HSPG2: variants seen among roughly 807,000 people sequenced by gnomAD.
HSPG2 encodes basement membrane-specific heparan sulfate proteoglycan core protein.
HSPG2 carries 278 observed loss-of-function variants against 526.6 expected under a neutral mutation model. The ratio of observed to expected loss-of-function variants is 0.53; its 90% CI spans 0.48 to 0.58. The LOEUF is 0.58. Among genes scored for constraint, HSPG2 ranks in the 20% least tolerant of loss-of-function variants. HSPG2 has a pLI of 0.00. For missense variants in HSPG2, 5,354 were observed against 6,099.5 expected (o/e 0.88, Z 4.07); for synonymous variants, 2,465 against 2,555.4 (o/e 0.96, Z 1.07).
At position 21,859,821 on chromosome 1, in the gene HSPG2, A is replaced by G. The variant is rs557850939; in HGVS notation, c.5182+14T>C. 9.3e-6 allele frequency: 15 copies of G among 1,610,558 alleles called. 1 individual carries two copies. The East Asian group carries it at 3.3e-4, about 36-fold the overall frequency. Reference sequence around the variant, plus strand: ...GATGGCTCTTGGGGCTGAGGAGCCTAGGGCCATGGGTACCTTGATGTCGCT... The same window carrying G: ...GATGGCTCTTGGGGCTGAGGAGCCTGGGGCCATGGGTACCTTGATGTCGCT... On this transcript the variant is annotated intron_variant, in intron 41 of 96. Coordinates refer to ENST00000374695, the MANE Select transcript of HSPG2 (RefSeq NM_005529.7). The surrounding 1 kb of genome is among the most constrained non-coding windows in gnomAD (Gnocchi z 5.3).
Position 21,824,187 on chromosome 1 carries a change from C to A in HSPG2, c.12833G>T (p.Gly4278Val). Residue 4278 changes from glycine (G) to valine (V), a missense_variant, in exon 95 of 97, where the codon GGG (glycine) becomes GTG (valine). Transcript: ENST00000374695. This position sits in a 1 kb window ranked among gnomAD's most constrained non-coding sequence, Gnocchi z 5.9. ...GTCCTCAGAGACCAGGCGGGCCTCC[C>A]CACTACCCAGCTGGTACCTGCAGTC... The part of the protein sequence containing the change: ...HLVFRYQLGS[G>V]EARLVSEDPI... The A allele has an allele frequency of 6.2e-7, 1 of 1,613,788 alleles. No individual in the cohort carries two copies. Among genetic ancestry groups the A allele is most frequent in the East Asian group, 2.2e-5 (1 of 44,874 alleles).
At chr1:21,910,217 A>C (rs1233930339) in intron 1 of HSPG2, among the ~76,000 whole-genome samples, 1 of 152,212 alleles carries the variant, frequency 6.6e-6, no homozygotes, top group Non-Finnish European at 1.5e-5. Context: ...GGGTATTTAA[A>C]GCTCTGACTG....
Position 21,839,150 on chromosome 1 carries a change from G to A in HSPG2, c.9890-65C>T. 6.5e-7 allele frequency: 1 copy of A among 1,539,064 alleles called. No homozygotes were observed. Among genetic ancestry groups the A allele is most frequent in the South Asian group, 1.3e-5 (1 of 79,630 alleles). On this transcript the variant is annotated intron_variant, in intron 73 of 96. Coordinates refer to ENST00000374695, the MANE Select transcript of HSPG2 (RefSeq NM_005529.7). This position sits in a 1 kb window ranked among gnomAD's most constrained non-coding sequence, Gnocchi z 4.5. ...AAGGTCAGAATGGCAGCAGGTCGTT[G>A]GATCCAGTGTCCAGGGAAGCTGAAT...
intron 1 of HSPG2, among the ~76,000 whole-genome samples, chr1:21,919,246 T>C (rs1188265678): frequency 1.3e-5 from 2 of 152,158 alleles, no homozygotes; most frequent in South Asian, 2.1e-4. Flanking sequence ...GCCAACATGG[T>C]GAAACCCCGT....
Position 21,848,523 on chromosome 1 carries a change from G to C in HSPG2, c.7737+120C>G. ...CACTGGTCTAGGACCCATCCAGCAAGGATACTCAATGTTTGTTGAATGACT... is the reference window on the plus strand; with the variant it reads ...CACTGGTCTAGGACCCATCCAGCAACGATACTCAATGTTTGTTGAATGACT... On this transcript the variant is annotated intron_variant, in intron 59 of 96. Transcript: ENST00000374695. The surrounding 1 kb of genome is among the most constrained non-coding windows in gnomAD (Gnocchi z 4.9). 1.7e-6 allele frequency: 2 copies of C among 1,190,522 alleles called. No individual in the cohort carries two copies. Among genetic ancestry groups the C allele is most frequent in the African/African-American group, 1.5e-5 (1 of 66,798 alleles). The allele number at this position is 1,190,522 out of a possible 1,614,324, so 73.7% of individuals were successfully genotyped here.
In HSPG2 at chr1:21,875,981, G is replaced by A. The variant is rs1217844173; in HGVS notation, c.3065C>T (p.Thr1022Ile). Reference protein sequence around the residue: ...TVTQRSQPGSTPLHGQPLVVL... With the variant: ...TVTQRSQPGSIPLHGQPLVVL... Reference sequence around the variant, plus strand: ...CACCAACGGCTGCCCGTGCAGGGGTGTGGAGCCCGGCTGGGACCTCTGGGT... The same window carrying A: ...CACCAACGGCTGCCCGTGCAGGGGTATGGAGCCCGGCTGGGACCTCTGGGT... Residue 1022 changes from threonine (T) to isoleucine (I), a missense_variant, in exon 24 of 97, where the codon ACA becomes ATA. Physicochemically the swap from Thr to Ile is moderately conservative, Grantham distance 89 (BLOSUM62 -1). Coordinates refer to ENST00000374695, the MANE Select transcript of HSPG2 (RefSeq NM_005529.7). 1 of 1,614,208 alleles carries A rather than the reference G, an allele frequency of 6.2e-7. No individual in the cohort carries two copies. The highest frequency in any genetic ancestry group is 1.1e-5 in the South Asian group (1 of 91,088).
chr1:21,864,438 G>C lies in HSPG2; in HGVS notation c.4627-225C>G, dbSNP rs184149269. Among the ~76,000 whole-genome samples the C allele has an allele frequency of 1.3e-5, 2 of 152,292 alleles. No individual in the cohort carries two copies. The highest frequency in any genetic ancestry group is 1.9e-4 in the East Asian group (1 of 5,170). On this transcript the variant is annotated intron_variant, in intron 36 of 96. Transcript: ENST00000374695. The surrounding 1 kb of genome is among the most constrained non-coding windows in gnomAD (Gnocchi z 4.8). ...CATCTCTATGCTGTGCTTTGGGCCG[G>C]AGTAATCTGTGTTTCTGAATTGGCT... is the stretch of plus-strand genomic sequence containing the variant.
At chr1:21,906,288 G>T (rs767816912) in intron 1 of HSPG2, among the ~76,000 whole-genome samples, 29 of 152,160 alleles carry the variant, frequency 1.9e-4, no homozygotes, top group Non-Finnish European at 4.0e-4. Context: ...GCGAGCAGGG[G>T]CCAGAACTCT....
Position 21,850,473 on chromosome 1 carries a change from TAG to T in HSPG2, c.7182_7183del (p.Tyr2395ProfsTer30). The T allele has an allele frequency of 6.2e-7, 1 of 1,611,842 alleles. No homozygotes were observed. The highest frequency in any genetic ancestry group is 8.5e-7 in the Non-Finnish European group (1 of 1,179,288). On this transcript the variant is annotated frameshift_variant, in exon 56 of 97. Coordinates refer to ENST00000374695, the MANE Select transcript of HSPG2 (RefSeq NM_005529.7). LOFTEE classifies it high-confidence loss of function. ...GCCCGAGTCGGCGGGGGACGCTTGGTAGAGTCTCAGCAGGGAGCCGTGGGTCT... is the reference window on the plus strand; with the variant it reads ...GCCCGAGTCGGCGGGGGACGCTTGGTAGTCTCAGCAGGGAGCCGTGGGTCT...
Position 21,903,473 on chromosome 1 carries a change from C to T in HSPG2, c.64-7163G>A, listed in dbSNP as rs141650251. Among the ~76,000 whole-genome samples, 11 of 152,216 alleles carry T rather than the reference C, an allele frequency of 7.2e-5. No homozygotes were observed. The East Asian group carries it at 9.7e-4, about 13-fold the overall frequency. On this transcript the variant is annotated intron_variant, in intron 1 of 96. Transcript: ENST00000374695. Reference sequence around the variant, plus strand: ...AAAATTATCTGGGCGTGGTGGCGTGCGCCTGTAATCCCAGCTACCCTGGAG... The same window carrying T: ...AAAATTATCTGGGCGTGGTGGCGTGTGCCTGTAATCCCAGCTACCCTGGAG...
chr1:21,869,533 G>T lies in HSPG2; in HGVS notation c.4221+2653C>A, dbSNP rs1165422201. The T allele has an allele frequency of 3.0e-6, 3 of 987,864 alleles. No individual in the cohort carries two copies. The East Asian group carries it at 3.4e-4, about 111-fold the overall frequency. The allele number at this position is 987,864 out of a possible 1,614,324, so 61.2% of individuals were successfully genotyped here. ...GGAGGAGGAGGAAGAAGAAGGAGGA[G>T]GTGCTGCTCGCAGAGCAGCTGCAGG... is the stretch of plus-strand genomic sequence containing the variant. On this transcript the variant is annotated intron_variant, in intron 33 of 96. Coordinates refer to ENST00000374695, the MANE Select transcript of HSPG2 (RefSeq NM_005529.7).
chr1:21,900,596 A>G (rs1231686874), intron 1 of HSPG2, among the ~76,000 whole-genome samples: 2 of 152,120 alleles, frequency 1.3e-5, no homozygotes, highest in African/African-American at 4.8e-5. Flanking sequence ...GGAGGAGAAA[A>G]CTACAGGAGT....
chr1:21,928,949 G>A (rs529879978), intron 1 of HSPG2, among the ~76,000 whole-genome samples: 30 of 151,598 alleles, frequency 2.0e-4, no homozygotes, highest in Non-Finnish European at 2.9e-4. Context: ...CAGTAGAGAC[G>A]AGGTTTCTCC....
At position 21,854,612 on chromosome 1, in the gene HSPG2, TG is replaced by T; in HGVS notation, c.6286del (p.Gln2096ArgfsTer76). 1 of 1,561,350 alleles carries T rather than the reference TG, an allele frequency of 6.4e-7. No individual in the cohort carries two copies. Among genetic ancestry groups the T allele is most frequent in the Non-Finnish European group, 8.7e-7 (1 of 1,150,826 alleles). Reference sequence around the variant, plus strand: ...GCCATAGGCTCAGGGCCCACATACCTGGGTGTGGGGAGGCAGGCTACCCCCT... The same window carrying T: ...GCCATAGGCTCAGGGCCCACATACCTGGTGTGGGGAGGCAGGCTACCCCCT... ...RRGGSLPPHT[Q>X]VHGSRLRLPQ... On this transcript the variant is annotated frameshift_variant and splice_region_variant, in exon 49 of 97. Coordinates refer to ENST00000374695, the MANE Select transcript of HSPG2 (RefSeq NM_005529.7). LOFTEE classifies it high-confidence loss of function.
intron 1 of HSPG2, among the ~76,000 whole-genome samples, chr1:21,932,967 C>T (rs1039405974): frequency 2.6e-4 from 39 of 152,230 alleles, no homozygotes; most frequent in African/African-American, 9.1e-4. Context: ...GCCTATAATC[C>T]TAGCACTTTG....
In HSPG2 at chr1:21,864,101, G is replaced by A. The variant is rs866319414; in HGVS notation, c.4739C>T (p.Ser1580Leu). ...DLCHPETGACSQCQHNAAGEF... is the reference protein window; with the variant it reads ...DLCHPETGACLQCQHNAAGEF... ...GTCCTGGCCTCGCTTGCAGCTCACC[G>A]AGCAGGCCCCAGTCTCTGGGTGGCA... Residue 1580 changes from serine (S) to leucine (L), a missense_variant and splice_region_variant, in exon 37 of 97, where the codon TCG becomes TTG. By Grantham distance (145) the Ser-to-Leu change is moderately radical. Transcript: ENST00000374695. This position sits in a 1 kb window ranked among gnomAD's most constrained non-coding sequence, Gnocchi z 4.8. The A allele has an allele frequency of 7.7e-6, 12 of 1,551,678 alleles. No homozygotes were observed. Among genetic ancestry groups the A allele is most frequent in the African/African-American group, 4.1e-5 (3 of 73,100 alleles).
intron 80 of HSPG2, 26 bp downstream of exon 80, chr1:21,833,242 C>A (rs761554895): frequency 1.9e-6 from 3 of 1,592,696 alleles, no homozygotes; most frequent in African/African-American, 2.7e-5. Context: ...GGCCAGCCCA[C>A]CCCGCAAATT....
intron 55 of HSPG2, chr1:21,851,283 A>G: frequency 3.6e-6 from 2 of 554,714 alleles, no homozygotes; most frequent in Non-Finnish European, 6.5e-6. Flanking sequence ...GGTACGTACC[A>G]TTGTTACCAT....
intron 13 of HSPG2, among the ~76,000 whole-genome samples, chr1:21,884,262 C>T (rs1354266786): frequency 1.3e-5 from 2 of 152,168 alleles, no homozygotes; most frequent in African/African-American, 2.4e-5. Context: ...ACAGCGTCCA[C>T]GTCAGGATCT....
Sources: gnomAD v4.1 joint callset for allele counts (sites outside exome capture counted in the v4.1 genomes callset) on GRCh38, gnomAD v4.1.1 for gene constraint, Gnocchi (gnomAD v3.1) non-coding constraint, MANE v1.5 for transcripts, NCBI Gene and HGNC (gene_info 2026-07-23, HGNC 2026-07-21) for gene names.